The following USP49 variants were observed in gnomAD, a reference collection of about 807,000 sequenced individuals.
The protein encoded by USP49 is ubiquitin specific peptidase 49.
USP49 carries 24 observed loss-of-function variants against 58.6 expected under a neutral mutation model. The observed-to-expected ratio is 0.41, with a 90% CI of 0.30 to 0.58. The LOEUF (loss-of-function observed/expected upper bound fraction) is 0.58, where lower values mean the gene tolerates loss of function less well. USP49 is among the 20% of genes least tolerant of loss of function. The pLI is 0.30. For synonymous variants in USP49, 408 were observed against 365.1 expected, an observed-to-expected ratio of 1.12 and a Z score of -1.34; for missense variants, 703 against 866.1, an observed-to-expected ratio of 0.81 and a Z score of 2.36.
chr6:41,850,512 TTGTAAC>T (rs1167496412), intron 3 of USP49, among the ~76,000 whole-genome samples: 1 of 150,468 alleles, frequency 6.6e-6, no homozygotes, highest in Non-Finnish European at 1.5e-5. Flanking sequence ...AAAGGGGAAA[TTGTAAC>T]TGATGTCACA....
chr6:41,862,048 C>T (rs1180005204), intron 3 of USP49, among the ~76,000 whole-genome samples: 1 of 152,182 alleles, frequency 6.6e-6, no homozygotes, highest in Admixed American at 6.5e-5. Flanking sequence ...CTATGAACTG[C>T]ATAATGCATT....
intron 3 of USP49, among the ~76,000 whole-genome samples, chr6:41,849,589 C>A (rs1035992839): frequency 2.0e-5 from 3 of 152,018 alleles, no homozygotes; most frequent in African/African-American, 7.2e-5. Flanking sequence ...TAAAATCACA[C>A]AAAGTATCTT....
chr6:41,836,385 G>A lies in USP49; in HGVS notation c.-28-29374C>T, dbSNP rs554616739. 8.5e-5 allele frequency among the ~76,000 whole-genome samples: 13 copies of A among 152,124 alleles called. No homozygotes were observed. The East Asian group carries it at 2.3e-3, about 27-fold the overall frequency. On this transcript the variant is annotated intron_variant, in intron 3 of 7. Transcript: ENST00000682992. ...AAGAACGTATCTCAAAATAATAACA[G>A]CCATCTATGACAAACCCACAGCCAA... is the stretch of plus-strand genomic sequence containing the variant.
rs764394451 is a variant in USP49 at position 41,799,847 on chromosome 6, C to T, written c.1653G>A (p.Leu551=). 1.2e-6 allele frequency: 2 copies of T among 1,614,026 alleles called. No individual in the cohort carries two copies. Among genetic ancestry groups the T allele is most frequent in the Non-Finnish European group, 1.7e-6 (2 of 1,179,902 alleles). ...AAGCTCACCTGAATCTTTTAAGGTG[C>T]AGCCGGAGAACCTGAGGTAGTCTGT... ...MIYRLPQVLR[L]HLKRFRWSGR... The change falls in exon 6 of 8, where the codon CTG becomes CTA. Residue 551 remains leucine (L), a synonymous_variant. Transcript: ENST00000682992.
intron 2 of USP49, among the ~76,000 whole-genome samples, chr6:41,886,992 T>G (rs921945739): frequency 6.6e-6 from 1 of 152,216 alleles, no homozygotes; most frequent in Non-Finnish European, 1.5e-5. Context: ...CCTTAAAGAC[T>G]TTATTTCAAA....
intron 3 of USP49, among the ~76,000 whole-genome samples, chr6:41,857,844 T>C (rs1774157149): frequency 6.6e-6 from 1 of 152,232 alleles, no homozygotes; most frequent in South Asian, 2.1e-4. Flanking sequence ...ACTTACATAG[T>C]TCATCAGTAA....
At chr6:41,843,091 C>A (rs1207801853) in intron 3 of USP49, among the ~76,000 whole-genome samples, 2 of 152,174 alleles carry the variant, frequency 1.3e-5, no homozygotes, top group Non-Finnish European at 2.9e-5. Flanking sequence ...CTCACTGCAA[C>A]CTCCACCTCT....
At chr6:41,833,111 G>A (rs578050184) in intron 3 of USP49, 3 of 151,330 alleles carry the variant, frequency 2.0e-5, no homozygotes, top group Admixed American at 1.3e-4. Context: ...CCACCTCCCA[G>A]GTTTACACCA....
At chr6:41,834,850 T>A (rs1773698514) in intron 3 of USP49, among the ~76,000 whole-genome samples, 1 of 152,230 alleles carries the variant, frequency 6.6e-6, no homozygotes, top group African/African-American at 2.4e-5. Flanking sequence ...GAGAATGGAC[T>A]AATACAGTAA....
At chr6:41,805,607 T>C (rs1581992243) in intron 4 of USP49, 21 bp downstream of exon 4, 2 of 1,593,166 alleles carry the variant, frequency 1.3e-6, no homozygotes, top group Non-Finnish European at 1.7e-6. Context: ...CCTCTCATTG[T>C]CATGGTAGGC....
intron 3 of USP49, among the ~76,000 whole-genome samples, chr6:41,857,402 T>C (rs1774149076): frequency 1.3e-5 from 2 of 152,194 alleles, no homozygotes; most frequent in African/African-American, 4.8e-5. Context: ...CCCAGCACTT[T>C]GGGAGGCCAA....
intron 6 of USP49, 72 bp downstream of exon 6, chr6:41,799,758 G>T: frequency 2.3e-6 from 3 of 1,324,564 alleles, no homozygotes; most frequent in Non-Finnish European, 3.2e-6. Context: ...GAAGACATTT[G>T]CCCTCACCAA....
At chr6:41,865,098 G>C (rs1167716921) in intron 3 of USP49, among the ~76,000 whole-genome samples, 2 of 151,934 alleles carry the variant, frequency 1.3e-5, no homozygotes, top group African/African-American at 4.8e-5. Flanking sequence ...AGGCTGGAGT[G>C]CAATGGTGCA....
intron 3 of USP49, among the ~76,000 whole-genome samples, chr6:41,870,973 C>T (rs1030144372): frequency 1.2e-4 from 18 of 151,908 alleles, no homozygotes; most frequent in Non-Finnish European, 2.1e-4. Flanking sequence ...ATTGCTTGCA[C>T]CCGGGAGGCA....
rs1476081734 is a variant in USP49, at chr6:41,791,499, T to G, written c.*5034A>C. ...TTAATCTACAACTTTCAAAAATTGA[T>G]GAGTAATCACTAATTCTGTAAATGA... On this transcript the variant is annotated 3_prime_UTR_variant, in exon 8 of 8. Coordinates refer to ENST00000682992, the MANE Select transcript of USP49 (RefSeq NM_001286554.2). The G allele has an allele frequency of 6.6e-6, 1 of 152,254 alleles. No homozygotes were observed. Among genetic ancestry groups the G allele is most frequent in the African/African-American group, 2.4e-5 (1 of 41,474 alleles). The allele number at this position is 152,254 out of a possible 1,614,324, so 9.4% of individuals were successfully genotyped here.
At chr6:41,822,353 A>C (rs1238174566) in intron 3 of USP49, among the ~76,000 whole-genome samples, 2 of 152,196 alleles carry the variant, frequency 1.3e-5, no homozygotes, top group Non-Finnish European at 2.9e-5. Flanking sequence ...ATAGAAAATA[A>C]ATCTGATTGG....
chr6:41,803,725 C>A lies in USP49; in HGVS notation c.1561+81G>T. 1 of 1,455,682 alleles carries A rather than the reference C, an allele frequency of 6.9e-7. No individual in the cohort carries two copies. The highest frequency in any genetic ancestry group is 9.5e-7 in the Non-Finnish European group (1 of 1,049,000). The allele number at this position is 1,455,682 out of a possible 1,614,324, so 90.2% of individuals were successfully genotyped here. ...TCAATATCATTAGTGTTACTTTTGA[C>A]TAAAGAGGACAAAGCAGCACCTTAA... On this transcript the variant is annotated intron_variant, in intron 5 of 7. Transcript: ENST00000682992. The surrounding 1 kb of genome is among the most constrained non-coding windows in gnomAD (Gnocchi z 4.1).
At chr6:41,798,074 C>T (rs1176362703) in intron 7 of USP49, 1 of 154,496 alleles carries the variant, frequency 6.5e-6, no homozygotes, top group Non-Finnish European at 1.4e-5. Flanking sequence ...CGCTATGTTG[C>T]CCAGGCTAGT....
chr6:41,812,241 G>A (rs924412192), intron 3 of USP49, among the ~76,000 whole-genome samples: 12 of 151,792 alleles, frequency 7.9e-5, no homozygotes, highest in South Asian at 6.3e-4. Context: ...CACCACGCCC[G>A]GCTAATTTTG....
Sources: allele counts gnomAD v4.1 joint callset (sites outside exome capture counted in the v4.1 genomes callset), GRCh38; gene constraint gnomAD v4.1.1; non-coding constraint Gnocchi (gnomAD v3.1); transcripts MANE v1.5; gene names NCBI Gene and HGNC (gene_info 2026-07-23, HGNC 2026-07-21).